The following MAPK8IP3 variants were observed in gnomAD, a reference collection of about 807,000 sequenced individuals.
MAPK8IP3 encodes the protein C-Jun-amino-terminal kinase-interacting protein 3.
Under a neutral mutation model 157.8 loss-of-function variants are expected in MAPK8IP3, and 49 were observed. The observed-to-expected ratio is 0.31, with a 90% CI of 0.25 to 0.39. The LOEUF (loss-of-function observed/expected upper bound fraction) is 0.39, where lower values mean the gene tolerates loss of function less well. Ranked by LOEUF, MAPK8IP3 falls within the 10% of genes least tolerant of loss-of-function variation. The pLI is 1.00. For missense variants in MAPK8IP3, 1,478 were observed against 1,889.4 expected, an observed-to-expected ratio of 0.78 and a Z score of 4.04; for synonymous variants, 897 against 777.7, an observed-to-expected ratio of 1.15 and a Z score of -2.55.
At chr16:1,722,547 T>C (rs1209168650) in intron 1 of MAPK8IP3, among the ~76,000 whole-genome samples, 1 of 152,138 alleles carries the variant, frequency 6.6e-6, no homozygotes, top group East Asian at 1.9e-4. Flanking sequence ...TATTCCCATC[T>C]TCTGAGAAAC....
chr16:1,760,620 G>T, intron 12 of MAPK8IP3, 88 bp downstream of exon 12: 1 of 1,496,360 alleles, frequency 6.7e-7, no homozygotes. Context: ...CTGCTCTCCA[G>T]CCTGAGCGGC....
At position 1,768,310 on chromosome 16, in the gene MAPK8IP3, C is replaced by T. The variant is rs1403900974; in HGVS notation, c.3674C>T (p.Ser1225Phe). 5 of 1,609,694 alleles carry T rather than the reference C, an allele frequency of 3.1e-6. No individual in the cohort carries two copies. The highest frequency in any genetic ancestry group is 4.2e-6 in the Non-Finnish European group (5 of 1,179,980). ...GCCAGCAGCTTCATCCCCTACTGCTCCATGGCCCAGGCCCAGCTATGCTTC... is the reference window on the plus strand; with the variant it reads ...GCCAGCAGCTTCATCCCCTACTGCTTCATGGCCCAGGCCCAGCTATGCTTC... ...RAASSFIPYCSMAQAQLCFHG... is the reference protein window; with the variant it reads ...RAASSFIPYCFMAQAQLCFHG... Residue 1225 changes from serine to phenylalanine, a missense_variant, in exon 30 of 32, where the codon TCC becomes TTC. Ser to Phe is a radical substitution (Grantham distance 155). This residue lies in a region of MAPK8IP3 where 83 missense variants were observed against 85.3 expected (regional missense o/e 0.97). Transcript: ENST00000610761.
chr16:1,761,527 A>G (rs1240392705), intron 13 of MAPK8IP3, among the ~76,000 whole-genome samples: 5 of 142,410 alleles, frequency 3.5e-5, no homozygotes, highest in African/African-American at 1.4e-4. Context: ...ACCATTCACC[A>G]TTCACAGGCA....
intron 1 of MAPK8IP3, among the ~76,000 whole-genome samples, chr16:1,717,730 C>T (rs2038246790): frequency 6.6e-6 from 1 of 152,026 alleles, no homozygotes; most frequent in Non-Finnish European, 1.5e-5. Context: ...TATGCAGGCC[C>T]ATTCAAAAAA....
At chr16:1,750,828 T>C (rs1451860289) in intron 8 of MAPK8IP3, among the ~76,000 whole-genome samples, 3 of 151,942 alleles carry the variant, frequency 2.0e-5, no homozygotes, top group Non-Finnish European at 2.9e-5. Context: ...GTATTTTTAG[T>C]AGAGATGGGG....
rs1474627439 is a variant in MAPK8IP3 at position 1,706,690 on chromosome 16, G to A, written c.318+33G>A. 2 of 1,506,780 alleles carry A rather than the reference G, an allele frequency of 1.3e-6. No individual in the cohort carries two copies. The highest frequency in any genetic ancestry group is 1.8e-6 in the Non-Finnish European group (2 of 1,128,598). The allele number at this position is 1,506,780 out of a possible 1,614,324, so 93.3% of individuals were successfully genotyped here. A position where few individuals can be genotyped will look rare whatever the true frequency, so the allele number is the denominator to read the frequency against. On this transcript the variant is annotated intron_variant, in intron 1 of 31. Transcript: ENST00000610761. The surrounding 1 kb of genome is among the most constrained non-coding windows in gnomAD (Gnocchi z 5.1). Reference sequence around the variant, plus strand: ...GGCCGCGGGACCCGCCCGCATCCCCGTCCCGGACCCCCAGCCAGCCCCGGG... The same window carrying A: ...GGCCGCGGGACCCGCCCGCATCCCCATCCCGGACCCCCAGCCAGCCCCGGG...
chr16:1,725,349 C>T (rs954400669), intron 2 of MAPK8IP3, among the ~76,000 whole-genome samples: 7 of 150,216 alleles, frequency 4.7e-5, no homozygotes, highest in African/African-American at 9.7e-5. Flanking sequence ...AAAAAAAGGC[C>T]GGGCATGGTG....
Position 1,743,680 on chromosome 16 carries a change from T to C in MAPK8IP3, c.747+204T>C, listed in dbSNP as rs1262863425. ...AGCAGGCCCTGTGTGGCTGTGGCTG[T>C]TCCACGCGGCCTCGTGTCGGCACCT... On this transcript the variant is annotated intron_variant, in intron 5 of 31. Transcript: ENST00000610761. This position sits in a 1 kb window ranked among gnomAD's most constrained non-coding sequence, Gnocchi z 5.6. The C allele has an allele frequency of 2.8e-6, 4 of 1,409,960 alleles. No homozygotes were observed. In the African/African-American group the frequency reaches 5.9e-5, roughly 21 times the overall value. 87.3% of individuals were successfully genotyped at this position (1,409,960 alleles called of 1,614,324 possible).
rs984463354 is a variant in MAPK8IP3, at chr16:1,710,297, T to C, written c.318+3640T>C. 1.3e-5 allele frequency among the ~76,000 whole-genome samples: 2 copies of C among 150,540 alleles called. No individual in the cohort carries two copies. Among genetic ancestry groups the C allele is most frequent in the African/African-American group, 4.9e-5 (2 of 40,796 alleles). ...GGCGAACCTGGCGAAACCCTGTCTCTACTAAAGAAAAAAAAAAGAAAAAAA... is the reference window on the plus strand; with the variant it reads ...GGCGAACCTGGCGAAACCCTGTCTCCACTAAAGAAAAAAAAAAGAAAAAAA... On this transcript the variant is annotated intron_variant, in intron 1 of 31. Transcript: ENST00000610761. The surrounding 1 kb of genome is among the most constrained non-coding windows in gnomAD (Gnocchi z 4.1).
At chr16:1,737,015 A>T (rs1219089976) in intron 4 of MAPK8IP3, among the ~76,000 whole-genome samples, 5 of 52,486 alleles carry the variant, frequency 9.5e-5, no homozygotes, top group East Asian at 6.9e-4. Flanking sequence ...CGTCCGTGTG[A>T]GAGTGTGACC....
chr16:1,734,044 A>G lies in MAPK8IP3; in HGVS notation c.602+4466A>G, dbSNP rs367922667. Among the ~76,000 whole-genome samples the G allele has an allele frequency of 1.7e-3, 262 of 152,322 alleles. 1 individual carries two copies. The highest frequency in any genetic ancestry group is 6.1e-3 in the African/African-American group (255 of 41,592). On this transcript the variant is annotated intron_variant, in intron 4 of 31. Coordinates refer to ENST00000610761, the MANE Select transcript of MAPK8IP3 (RefSeq NM_001318852.2). ...AACAGGACCCCTGCACCTCTGTGGGAGAGGGAGGGGTCTCATCCAGGTTTA... is the reference window on the plus strand; with the variant it reads ...AACAGGACCCCTGCACCTCTGTGGGGGAGGGAGGGGTCTCATCCAGGTTTA...
At position 1,768,202 on chromosome 16, in the gene MAPK8IP3, A is replaced by G. The variant is rs768530608; in HGVS notation, c.3566A>G (p.Asn1189Ser). 6.2e-6 allele frequency: 10 copies of G among 1,612,266 alleles called. No homozygotes were observed. The East Asian group carries it at 6.7e-5, about 11-fold the overall frequency. ...HRGQLLGLRANKTSPTSGEGA... is the reference protein window; with the variant it reads ...HRGQLLGLRASKTSPTSGEGA... The stretch of plus-strand genomic sequence containing the variant: ...CCTCTGGGTTCTCTCCCTGCAGCCA[A>G]TAAGACATCCCCCACCTCTGGGGAG... The change falls in exon 30 of 32, where the codon AAT becomes AGT. Residue 1189 changes from asparagine to serine, a missense_variant. Physicochemically the swap from Asn to Ser is conservative, Grantham distance 46 (BLOSUM62 1). Coordinates refer to ENST00000610761, the MANE Select transcript of MAPK8IP3 (RefSeq NM_001318852.2).
At chr16:1,737,413 CGT>C (rs1329353761) in intron 4 of MAPK8IP3, among the ~76,000 whole-genome samples, 7 of 94,836 alleles carry the variant, frequency 7.4e-5, no homozygotes, top group South Asian at 6.0e-4. Flanking sequence ...TGTGACCGTC[CGT>C]GTGAGCGTCC....
chr16:1,761,249 C>G lies in MAPK8IP3; in HGVS notation c.1483C>G (p.Arg495Gly). ...AGTGAAGTCCGAGGCCATCATCGCC[C>G]GCCGTGAACCCAAAGAAGAGGCGGA... ...KRVKSEAIIA[R>G]REPKEEAEDV... Residue 495 changes from arginine to glycine, a missense_variant, in exon 13 of 32, where the codon CGC (arginine) becomes GGC (glycine). This residue lies in a region of MAPK8IP3 where 96 missense variants were observed against 106.3 expected (regional missense o/e 0.90). Coordinates refer to ENST00000610761, the MANE Select transcript of MAPK8IP3 (RefSeq NM_001318852.2). 1 of 1,613,816 alleles carries G rather than the reference C, an allele frequency of 6.2e-7. No individual in the cohort carries two copies. Among genetic ancestry groups the G allele is most frequent in the Non-Finnish European group, 8.5e-7 (1 of 1,180,016 alleles).
Position 1,766,750 on chromosome 16 carries a change from C to A in MAPK8IP3, c.2967C>A (p.Asn989Lys), listed in dbSNP as rs771543953. ...GWLYVHSAVA[N>K]WKKCLHSIKL... Reference sequence around the variant, plus strand: ...TCTATGTGCACTCGGCTGTGGCCAACTGGAAGAAGTGCCTGCACTCCATCA... The same window carrying A: ...TCTATGTGCACTCGGCTGTGGCCAAATGGAAGAAGTGCCTGCACTCCATCA... Residue 989 changes from asparagine to lysine, a missense_variant, in exon 24 of 32, where the codon AAC becomes AAA. By Grantham distance (94) the Asn-to-Lys change is moderately conservative. This residue lies in a region of MAPK8IP3 where 669 missense variants were observed against 759.8 expected (regional missense o/e 0.88). Coordinates refer to ENST00000610761, the MANE Select transcript of MAPK8IP3 (RefSeq NM_001318852.2). 1.2e-6 allele frequency: 2 copies of A among 1,612,882 alleles called. No individual in the cohort carries two copies. Among genetic ancestry groups the A allele is most frequent in the Non-Finnish European group, 1.7e-6 (2 of 1,179,928 alleles).
chr16:1,730,257 C>A (rs1479579187), intron 4 of MAPK8IP3, among the ~76,000 whole-genome samples: 1 of 151,716 alleles, frequency 6.6e-6, no homozygotes, highest in African/African-American at 2.4e-5. Context: ...TGAGCCCCGT[C>A]TCTAAAAAAA....
intron 9 of MAPK8IP3, among the ~76,000 whole-genome samples, chr16:1,758,708 G>A (rs1461515491): frequency 6.6e-6 from 1 of 152,256 alleles, no homozygotes; most frequent in Non-Finnish European, 1.5e-5. Context: ...AGAATTTGGG[G>A]TGAGATGTTA....
rs770906304 is a variant in MAPK8IP3 at position 1,762,652 on chromosome 16, G to A, written c.1671-23G>A. The A allele has an allele frequency of 3.9e-6, 6 of 1,540,956 alleles. No individual in the cohort carries two copies. The African/African-American group carries it at 4.1e-5, about 11-fold the overall frequency. ...GGAGGCGTGAGGGCACTAGCAGGTT[G>A]CTCCCTGTGCCCTCCCCTGCAGAGC... On this transcript the variant is annotated intron_variant, in intron 14 of 31. Coordinates refer to ENST00000610761, the MANE Select transcript of MAPK8IP3 (RefSeq NM_001318852.2).
intron 1 of MAPK8IP3, among the ~76,000 whole-genome samples, chr16:1,723,271 A>G (rs1238561260): frequency 6.0e-5 from 9 of 151,108 alleles, no homozygotes; most frequent in Non-Finnish European, 1.3e-4. Flanking sequence ...CTGAGCTCAC[A>G]TGATCCATCT....
Sources: allele counts gnomAD v4.1 joint callset (sites outside exome capture counted in the v4.1 genomes callset), GRCh38; gene constraint gnomAD v4.1.1; regional missense constraint gnomAD v4.1.1; non-coding constraint Gnocchi (gnomAD v3.1); transcripts MANE v1.5; gene names NCBI Gene and HGNC (gene_info 2026-07-23, HGNC 2026-07-21).